The following GPC5 variants were observed in gnomAD, a reference collection of about 807,000 sequenced individuals.
GPC5 encodes glypican-5.
In GPC5, 47 loss-of-function variants were observed where a neutral mutation model predicts 53.9. That is an observed-to-expected ratio of 0.87 (90% CI 0.69 to 1.11). GPC5 has a LOEUF of 1.11. Among genes scored for constraint, GPC5 ranks in the 50% most tolerant of loss-of-function variants. The pLI is 0.00. For synonymous variants in GPC5, 286 were observed against 263.3 expected (o/e 1.09, Z -0.84); for missense variants, 748 against 713.1 (o/e 1.05, Z -0.56).
chr13:92,476,153 G>A (rs1454750548), intron 7 of GPC5, among the ~76,000 whole-genome samples: 1 of 152,062 alleles, frequency 6.6e-6, no homozygotes, highest in Non-Finnish European at 1.5e-5. Context: ...ATCTGACAAA[G>A]GGCTAACATT....
intron 5 of GPC5, among the ~76,000 whole-genome samples, chr13:91,862,583 T>C (rs983179243): frequency 6.6e-6 from 1 of 152,202 alleles, no homozygotes; most frequent in Non-Finnish European, 1.5e-5. Context: ...GTGTATATTT[T>C]CTACAAACAA....
chr13:92,568,050 C>T (rs528701255), intron 7 of GPC5, among the ~76,000 whole-genome samples: 1 of 152,138 alleles, frequency 6.6e-6, no homozygotes, highest in East Asian at 1.9e-4. Flanking sequence ...TGGCTGAGCA[C>T]AGTGGCTCAC....
At chr13:92,742,744 G>A (rs1342059954) in intron 7 of GPC5, among the ~76,000 whole-genome samples, 6 of 152,032 alleles carry the variant, frequency 3.9e-5, no homozygotes, top group African/African-American at 1.4e-4. Context: ...AATCCATCTT[G>A]AATTAATTTT....
chr13:91,506,708 A>G (rs544692943), intron 2 of GPC5, among the ~76,000 whole-genome samples: 5 of 125,628 alleles, frequency 4.0e-5, no homozygotes, highest in African/African-American at 1.2e-4. Flanking sequence ...CTTTGAATAA[A>G]ATATTTTTAA....
intron 7 of GPC5, among the ~76,000 whole-genome samples, chr13:92,752,855 G>T (rs948651800): frequency 6.6e-6 from 1 of 152,070 alleles, no homozygotes; most frequent in Non-Finnish European, 1.5e-5. Context: ...AGGGAGTCTC[G>T]CTGATTGCTA....
intron 2 of GPC5, among the ~76,000 whole-genome samples, chr13:91,451,373 A>C (rs1353338426): frequency 3.3e-5 from 5 of 152,082 alleles, no homozygotes; most frequent in African/African-American, 1.2e-4. Context: ...TTTTAGAGCA[A>C]ACTTTTGAAT....
chr13:92,665,403 C>T (rs1359965667), intron 7 of GPC5, among the ~76,000 whole-genome samples: 1 of 152,114 alleles, frequency 6.6e-6, no homozygotes, highest in Non-Finnish European at 1.5e-5. Flanking sequence ...AAGTGTCAAA[C>T]CAAGGACTAG....
chr13:91,606,494 C>G (rs2033371994), intron 2 of GPC5, among the ~76,000 whole-genome samples: 1 of 149,904 alleles, frequency 6.7e-6, no homozygotes, highest in Admixed American at 6.6e-5. Context: ...AGGATTCCCT[C>G]TTTTTCTATT....
intron 2 of GPC5, among the ~76,000 whole-genome samples, chr13:91,542,841 G>A (rs1205386657): frequency 7.1e-6 from 1 of 140,934 alleles, no homozygotes; most frequent in Non-Finnish European, 1.5e-5. Flanking sequence ...GCATCACCAT[G>A]CCCAGCCAAT....
intron 7 of GPC5, among the ~76,000 whole-genome samples, chr13:92,400,445 C>A (rs997220661): frequency 1.3e-5 from 2 of 152,126 alleles, no homozygotes; most frequent in African/African-American, 2.4e-5. Context: ...CTTATCCGTG[C>A]CATACAGCAC....
At chr13:92,433,845 C>T (rs1237180509) in intron 7 of GPC5, among the ~76,000 whole-genome samples, 1 of 151,882 alleles carries the variant, frequency 6.6e-6, no homozygotes, top group Non-Finnish European at 1.5e-5. Context: ...ACCTCTAGGT[C>T]CTAAAGAAGA....
At chr13:92,807,245 C>T (rs1030003450) in intron 7 of GPC5, among the ~76,000 whole-genome samples, 1 of 151,856 alleles carries the variant, frequency 6.6e-6, no homozygotes, top group African/African-American at 2.4e-5. Flanking sequence ...AATTCACGTA[C>T]CTAAAACCAG....
chr13:92,399,510 C>A (rs528951165), intron 7 of GPC5, among the ~76,000 whole-genome samples: 2 of 152,094 alleles, frequency 1.3e-5, no homozygotes, highest in Non-Finnish European at 2.9e-5. Context: ...CCTATTTACC[C>A]CCAGCCACCT....
chr13:91,566,865 T>C (rs992571644), intron 2 of GPC5, among the ~76,000 whole-genome samples: 1 of 151,916 alleles, frequency 6.6e-6, no homozygotes, highest in African/African-American at 2.4e-5. Context: ...AAATGTTGAG[T>C]AAATATTCAT....
At chr13:92,385,069 T>C (rs2043780952) in intron 7 of GPC5, among the ~76,000 whole-genome samples, 1 of 152,042 alleles carries the variant, frequency 6.6e-6, no homozygotes, top group Admixed American at 6.6e-5. Flanking sequence ...TTTTATTTTT[T>C]TCTGTAGAAG....
intron 7 of GPC5, among the ~76,000 whole-genome samples, chr13:92,357,513 T>G (rs2043532120): frequency 6.6e-6 from 1 of 151,756 alleles, no homozygotes; most frequent in Non-Finnish European, 1.5e-5. Flanking sequence ...TATGTCATCT[T>G]TTGAAAAGCG....
intron 7 of GPC5, among the ~76,000 whole-genome samples, chr13:92,663,848 CACACACACTATATATATATATATATATA>C (rs1886459559): frequency 2.1e-4 from 25 of 118,052 alleles, no homozygotes; most frequent in Admixed American, 7.1e-4. Flanking sequence ...TATATATACA[CACACACACTATATATATATATATATATA>C]TATATATATA....
At chr13:91,705,950 G>A (rs927224049) in intron 3 of GPC5, among the ~76,000 whole-genome samples, 7 of 143,964 alleles carry the variant, frequency 4.9e-5, no homozygotes, top group Admixed American at 7.2e-5. Context: ...GCACGATCTC[G>A]GCTCATTGCA....
intron 7 of GPC5, among the ~76,000 whole-genome samples, chr13:92,527,199 A>AAGAAAGAAAGAAAGAAAGAAAG (rs1881357159): frequency 7.6e-5 from 2 of 26,484 alleles, no homozygotes. Flanking sequence ...GAAAGAAAGA[A>AAGAAAGAAAGAAAGAAAGAAAG]AGAAAGAAAG....
Sources: allele counts gnomAD v4.1 joint callset (sites outside exome capture counted in the v4.1 genomes callset), GRCh38; gene constraint gnomAD v4.1.1; transcripts MANE v1.5; gene names NCBI Gene and HGNC (gene_info 2026-07-23, HGNC 2026-07-21).